The following DMD variants were observed in gnomAD, a reference collection of about 807,000 sequenced individuals.
DMD encodes mutant dystrophin.
A neutral mutation model predicts 330.1 loss-of-function variants in DMD; 63 were observed. The ratio of observed to expected loss-of-function variants is 0.19; its 90% CI spans 0.16 to 0.24. The LOEUF is 0.24. Among genes scored for constraint, DMD ranks in the 10% least tolerant of loss-of-function variants. The probability of loss-of-function intolerance (pLI) is 1.00; values close to 1 mark genes in which losing one functional copy is unlikely to be tolerated. For missense variants in DMD, 3,344 were observed against 2,684.1 expected (o/e 1.25, Z -5.43); for synonymous variants, 1,223 against 959.8 (o/e 1.27, Z -5.07).
At chrX:31,451,120 A>ACTTTT (rs745756340) in intron 59 of DMD, among the ~76,000 whole-genome samples, 3 of 85,039 alleles carry the variant, frequency 3.5e-5, no homozygotes, top group African/African-American at 1.3e-4. Context: ...TTTTCAGGAG[A>ACTTTT]CTTTTCTTTT....
chrX:31,412,206 A>AG (rs1556626057), intron 60 of DMD, among the ~76,000 whole-genome samples: 4 of 94,190 alleles, frequency 4.2e-5, no homozygotes, highest in Admixed American at 2.3e-4. Flanking sequence ...AAAAAAAAAA[A>AG]AGAGAGAGAG....
At chrX:32,069,533 CT>C (rs2096281743) in intron 44 of DMD, among the ~76,000 whole-genome samples, 1 of 111,648 alleles carries the variant, frequency 9.0e-6, no homozygotes, top group African/African-American at 3.3e-5. Context: ...CAAGTTTTAT[CT>C]ATGTTATGTA....
chrX:32,925,062 T>C (rs2088838302), intron 2 of DMD, among the ~76,000 whole-genome samples: 1 of 107,592 alleles, frequency 9.3e-6, no homozygotes, highest in South Asian at 4.1e-4. Flanking sequence ...GTTTTGGTAA[T>C]AATGTTTAGG....
chrX:32,454,150 A>G (rs956236257), intron 26 of DMD, among the ~76,000 whole-genome samples: 17 of 111,251 alleles, frequency 1.5e-4, no homozygotes, highest in Admixed American at 1.4e-3. Flanking sequence ...TAATAAGTCA[A>G]TGTTATATTT....
chrX:32,169,799 C>G (rs1399454825), intron 44 of DMD, among the ~76,000 whole-genome samples: 2 of 111,331 alleles, frequency 1.8e-5, no homozygotes, highest in Admixed American at 1.9e-4. Context: ...GTCATTTTTT[C>G]TAATTGAAGA....
At chrX:31,341,883 G>GCACACACACACA (rs1556527128) in intron 61 of DMD, among the ~76,000 whole-genome samples, 3 of 53,398 alleles carry the variant, frequency 5.6e-5, no homozygotes, top group African/African-American at 3.3e-4. Flanking sequence ...GCGCGTGCGT[G>GCACACACACACA]CGCGCGCGCA....
intron 48 of DMD, among the ~76,000 whole-genome samples, chrX:31,856,622 C>T (rs748323910): frequency 8.9e-6 from 1 of 112,131 alleles, no homozygotes; most frequent in African/African-American, 3.2e-5. Flanking sequence ...AATAACAATA[C>T]TATCTCTAAC....
intron 44 of DMD, among the ~76,000 whole-genome samples, chrX:32,087,389 G>A (rs1355307858): frequency 9.0e-6 from 1 of 111,633 alleles, no homozygotes. Context: ...AGCTTATTAA[G>A]TTAGTTATTA....
At chrX:32,800,454 GT>G (rs1350091763) in intron 7 of DMD, among the ~76,000 whole-genome samples, 1 of 111,577 alleles carries the variant, frequency 9.0e-6, no homozygotes, top group African/African-American at 3.3e-5. Context: ...GTATAAATGT[GT>G]ACTTGGTGGT....
chrX:32,471,467 C>A (rs2040622535), intron 22 of DMD, among the ~76,000 whole-genome samples: 2 of 111,494 alleles, frequency 1.8e-5, no homozygotes. Flanking sequence ...AGCCAGCCCT[C>A]CATATTTGTG....
intron 12 of DMD, among the ~76,000 whole-genome samples, chrX:32,601,301 A>G (rs1032508100): frequency 3.6e-5 from 4 of 112,053 alleles, no homozygotes; most frequent in African/African-American, 1.3e-4. Context: ...AGGCTACCCT[A>G]GAAAAGCTTT....
At chrX:31,959,427 G>A (rs1025765789) in intron 45 of DMD, among the ~76,000 whole-genome samples, 3 of 111,473 alleles carry the variant, frequency 2.7e-5, no homozygotes, top group Non-Finnish European at 5.6e-5. Flanking sequence ...GAAAAATATT[G>A]TAAAATTGGA....
intron 44 of DMD, among the ~76,000 whole-genome samples, chrX:32,019,546 T>C (rs1262163879): frequency 8.9e-6 from 1 of 112,437 alleles, no homozygotes; most frequent in Non-Finnish European, 1.9e-5. Flanking sequence ...ATCTCAGTGC[T>C]TTTCAGTTTT....
intron 41 of DMD, among the ~76,000 whole-genome samples, chrX:32,323,243 C>T (rs1055010023): frequency 9.0e-6 from 1 of 111,717 alleles, no homozygotes; most frequent in Admixed American, 9.6e-5. Flanking sequence ...CATGCAAACA[C>T]TATGCCATTT....
intron 2 of DMD, among the ~76,000 whole-genome samples, chrX:32,963,247 GATA>G (rs2091976079): frequency 1.8e-5 from 2 of 111,927 alleles, no homozygotes; most frequent in Non-Finnish European, 3.8e-5. Context: ...GGAGGTAAAG[GATA>G]ATAAAGTGTT....
intron 61 of DMD, among the ~76,000 whole-genome samples, chrX:31,336,785 T>C (rs1381112073): frequency 8.9e-6 from 1 of 111,896 alleles, no homozygotes; most frequent in Non-Finnish European, 1.9e-5. Flanking sequence ...GTAGAAACTA[T>C]AAGTAGAAGG....
intron 29 of DMD, among the ~76,000 whole-genome samples, chrX:32,434,565 A>C (rs1373572325): frequency 8.9e-6 from 1 of 112,576 alleles, no homozygotes; most frequent in Non-Finnish European, 1.9e-5. Context: ...AATTGATTTA[A>C]AAACTCAGTT....
At chrX:31,324,185 C>T (rs772184137) in intron 61 of DMD, among the ~76,000 whole-genome samples, 1 of 111,356 alleles carries the variant, frequency 9.0e-6, no homozygotes, top group East Asian at 2.8e-4. Context: ...CAAATAGATG[C>T]TTAATTTGGT....
At chrX:32,677,170 A>G (rs16990577) in intron 9 of DMD, among the ~76,000 whole-genome samples, 2,492 of 111,285 alleles carry the variant, frequency 0.022, 62 homozygotes, top group African/African-American at 0.064. Flanking sequence ...TGTTCTAAGT[A>G]CATATATAGA....
Sources: gnomAD v4.1 joint callset for allele counts (sites outside exome capture counted in the v4.1 genomes callset) on GRCh38, gnomAD v4.1.1 for gene constraint, MANE v1.5 for transcripts, NCBI Gene and HGNC (gene_info 2026-07-23, HGNC 2026-07-21) for gene names.